Variants in NLN observed in about 807,000 individuals in gnomAD.
The protein encoded by NLN is neurolysin, mitochondrial.
NLN carries 64 observed loss-of-function variants against 79.9 expected under a neutral mutation model. The observed-to-expected ratio is 0.80, with a 90% CI of 0.65 to 0.99. The LOEUF is 0.99. Ranked by LOEUF, NLN falls within the 50% of genes least tolerant of loss-of-function variation. The pLI, the probability that NLN is intolerant of heterozygous loss-of-function variation, is 0.00. For missense variants in NLN, 835 were observed against 858.7 expected (o/e 0.97, Z 0.34); for synonymous variants, 267 against 296.6 (o/e 0.90, Z 1.02).
intron 4 of NLN, 124 bp from the exon 5 acceptor site, chr5:65,780,055 A>T (rs559422504): frequency 3.5e-6 from 2 of 575,576 alleles, no homozygotes; most frequent in Non-Finnish European, 6.2e-6. Context: ...TGGACTCTTG[A>T]CCTCAAATGA....
chr5:65,809,844 T>C, intron 10 of NLN, 143 bp downstream of exon 10: 4 of 959,554 alleles, frequency 4.2e-6, no homozygotes, highest in Non-Finnish European at 6.1e-6. Flanking sequence ...TTAAATATAT[T>C]GGAATAGGAA....
chr5:65,800,663 C>CTTATTTATTTAT (rs1554033902), intron 9 of NLN, among the ~76,000 whole-genome samples: 3,405 of 142,902 alleles, frequency 0.024, 155 homozygotes, highest in African/African-American at 0.077. Context: ...AGAAAACTCT[C>CTTATTTATTTAT]TTATTTATTT....
chr5:65,814,969 A>T (rs2150776405), intron 12 of NLN, among the ~76,000 whole-genome samples: 1 of 152,342 alleles, frequency 6.6e-6, no homozygotes, highest in South Asian at 2.1e-4. Context: ...GGATAAGTTT[A>T]TGAGTGATTA....
intron 3 of NLN, among the ~76,000 whole-genome samples, chr5:65,774,708 A>G (rs1277658553): frequency 1.5e-5 from 2 of 137,534 alleles, no homozygotes; most frequent in African/African-American, 5.4e-5. Context: ...AGTCATACAT[A>G]TATAAATTAT....
intron 12 of NLN, among the ~76,000 whole-genome samples, chr5:65,818,293 C>T (rs1369647884): frequency 6.6e-6 from 1 of 152,108 alleles, no homozygotes; most frequent in Admixed American, 6.5e-5. Flanking sequence ...GTTGGGTTCC[C>T]TTCTCTGCTT....
At chr5:65,742,958 C>T (rs1281326303) in intron 1 of NLN, among the ~76,000 whole-genome samples, 1 of 152,176 alleles carries the variant, frequency 6.6e-6, no homozygotes, top group Non-Finnish European at 1.5e-5. Flanking sequence ...TTTAGATTTT[C>T]ATCACTTTCC....
chr5:65,800,570 GA>G (rs1187651799), intron 9 of NLN, among the ~76,000 whole-genome samples: 1 of 152,142 alleles, frequency 6.6e-6, no homozygotes, highest in Non-Finnish European at 1.5e-5. Context: ...AGCTACTCGG[GA>G]GGCAGGAGAA....
At chr5:65,747,596 G>T (rs372482429) in intron 1 of NLN, among the ~76,000 whole-genome samples, 1 of 152,102 alleles carries the variant, frequency 6.6e-6, no homozygotes, top group Non-Finnish European at 1.5e-5. Context: ...GCCCCCTCCT[G>T]TACCATGAGG....
intron 5 of NLN, 88 bp from the exon 6 acceptor site, chr5:65,781,173 C>T: frequency 1.4e-6 from 1 of 730,042 alleles, no homozygotes; most frequent in Non-Finnish European, 2.3e-6. Flanking sequence ...ACACAAAATT[C>T]CTAGAGCTAC....
intron 1 of NLN, among the ~76,000 whole-genome samples, chr5:65,736,124 A>G (rs1758722969): frequency 6.6e-6 from 1 of 152,172 alleles, no homozygotes; most frequent in South Asian, 2.1e-4. Flanking sequence ...CCCTTTCCTC[A>G]TACCAGAGAT....
intron 1 of NLN, among the ~76,000 whole-genome samples, chr5:65,753,317 A>T (rs804492): frequency 0.44 from 66,578 of 152,080 alleles, 15,646 homozygotes; most frequent in Non-Finnish European, 0.53. Flanking sequence ...AACGAAGGTC[A>T]TCTTATCAGT....
chr5:65,724,152 A>G (rs1387778946), intron 1 of NLN, among the ~76,000 whole-genome samples: 1 of 140,630 alleles, frequency 7.1e-6, no homozygotes, highest in Non-Finnish European at 1.5e-5. Flanking sequence ...CCATTTTGAT[A>G]ATTTTTAAGT....
intron 8 of NLN, among the ~76,000 whole-genome samples, chr5:65,789,603 C>T (rs979443297): frequency 5.3e-5 from 8 of 152,012 alleles, no homozygotes; most frequent in African/African-American, 1.9e-4. Context: ...ATGGTGAAAC[C>T]CTGTCTCTAC....
intron 12 of NLN, among the ~76,000 whole-genome samples, chr5:65,814,747 A>C (rs1760630442): frequency 6.6e-6 from 1 of 152,156 alleles, no homozygotes; most frequent in Non-Finnish European, 1.5e-5. Context: ...TGGAAAATAG[A>C]CTAGTTTTTA....
chr5:65,785,844 A>T lies in NLN; in HGVS notation c.892A>T (p.Thr298Ser), dbSNP rs1181777384. The T allele has an allele frequency of 6.2e-7, 1 of 1,613,834 alleles. No homozygotes were observed. Among genetic ancestry groups the T allele is most frequent in the Non-Finnish European group, 8.5e-7 (1 of 1,179,874 alleles). Residue 298 changes from threonine to serine, a missense_variant, in exon 7 of 13, where the codon ACA (threonine) becomes TCA (serine). Coordinates refer to ENST00000380985, the MANE Select transcript of NLN (RefSeq NM_020726.5). The part of the protein sequence containing the change: ...TKVAKLLGYS[T>S]HADFVLEMNT... ...GGTGGCCAAACTACTCGGTTATAGC[A>T]CACATGCTGACTTCGTCCTTGAAAT...
Position 65,828,507 on chromosome 5 carries a change from G to C in NLN, c.*5592G>C, listed in dbSNP as rs1760961631. The C allele has an allele frequency of 6.6e-6, 1 of 152,214 alleles. No homozygotes were observed. Among genetic ancestry groups the C allele is most frequent in the South Asian group, 2.1e-4 (1 of 4,832 alleles). 9.4% of individuals were successfully genotyped at this position (152,214 alleles called of 1,614,324 possible). On this transcript the variant is annotated 3_prime_UTR_variant, in exon 13 of 13. Coordinates refer to ENST00000380985, the MANE Select transcript of NLN (RefSeq NM_020726.5). ...AGATGATAATTGTTTTCAAATTCTT[G>C]AAGGAAATGGGAGAGAGAATAGGCT...
rs1295261644 is a variant in NLN at position 65,733,619 on chromosome 5, G to A, written c.41+11205G>A. The A allele has an allele frequency of 1.5e-5, 22 of 1,497,352 alleles. 3 individuals are homozygous for A. The highest frequency in any genetic ancestry group is 2.0e-5 in the Non-Finnish European group (22 of 1,090,282). 92.8% of individuals were successfully genotyped at this position (1,497,352 alleles called of 1,614,324 possible). On this transcript the variant is annotated intron_variant, in intron 1 of 12. Coordinates refer to ENST00000380985, the MANE Select transcript of NLN (RefSeq NM_020726.5). ...TCCCCTGCCCTTCCTGTGGCTCATGGCCATCTGAGAAAGTGGACCTCCATC... is the reference window on the plus strand; with the variant it reads ...TCCCCTGCCCTTCCTGTGGCTCATGACCATCTGAGAAAGTGGACCTCCATC...
At position 65,788,264 on chromosome 5, in the gene NLN, G is replaced by C. The variant is rs1334797388; in HGVS notation, c.1105G>C (p.Glu369Gln). The C allele has an allele frequency of 1.2e-6, 2 of 1,614,166 alleles. No individual in the cohort carries two copies. Among genetic ancestry groups the C allele is most frequent in the East Asian group, 2.2e-5 (1 of 44,886 alleles). ...TCTATATTACTACATGACTCAGACA[G>C]AGGAACTCAAGTATTCCATAGACCA... The part of the protein sequence containing the change: ...WDLYYYMTQT[E>Q]ELKYSIDQEF... The change falls in exon 8 of 13, where the codon GAG becomes CAG. Residue 369 changes from glutamate to glutamine, a missense_variant. Coordinates refer to ENST00000380985, the MANE Select transcript of NLN (RefSeq NM_020726.5).
chr5:65,788,396 G>C lies in NLN; in HGVS notation c.1237G>C (p.Val413Leu). 6.2e-7 allele frequency: 1 copy of C among 1,614,166 alleles called. No individual in the cohort carries two copies. The highest frequency in any genetic ancestry group is 8.5e-7 in the Non-Finnish European group (1 of 1,180,002). The stretch of plus-strand genomic sequence containing the variant: ...ATTTGAACAAATGACAGATGCTCAT[G>C]TTTGGAACAAGAGTGTTACACTTTA... The part of the protein sequence containing the change: ...LSFEQMTDAH[V>L]WNKSVTLYTV... Residue 413 changes from valine to leucine, a missense_variant, in exon 8 of 13, where the codon GTT becomes CTT. By Grantham distance (32) the Val-to-Leu change is conservative (BLOSUM62 1). Coordinates refer to ENST00000380985, the MANE Select transcript of NLN (RefSeq NM_020726.5).
Sources: gnomAD v4.1 joint callset for allele counts (sites outside exome capture counted in the v4.1 genomes callset) on GRCh38, gnomAD v4.1.1 for gene constraint, MANE v1.5 for transcripts, NCBI Gene and HGNC (gene_info 2026-07-23, HGNC 2026-07-21) for gene names.